The following KLHL2 variants were observed in gnomAD, a reference collection of about 807,000 sequenced individuals.
The protein encoded by KLHL2 is kelch-like protein 2.
Under a neutral mutation model 75.8 loss-of-function variants are expected in KLHL2, and 15 were observed. The observed-to-expected ratio is 0.20, with a 90% CI of 0.13 to 0.30. The LOEUF is 0.30. Among genes scored for constraint, KLHL2 ranks in the 10% least tolerant of loss-of-function variants. The pLI, the probability that KLHL2 is intolerant of heterozygous loss-of-function variation, is 1.00. For synonymous variants in KLHL2, 214 were observed against 251.9 expected, an observed-to-expected ratio of 0.85 and a Z score of 1.42; for missense variants, 381 against 741.0, an observed-to-expected ratio of 0.51 and a Z score of 5.64.
chr4:165,248,774 T>C (rs1740458246), intron 4 of KLHL2, among the ~76,000 whole-genome samples: 1 of 152,168 alleles, frequency 6.6e-6, no homozygotes, highest in Non-Finnish European at 1.5e-5. Flanking sequence ...AGTTCTAGGT[T>C]GTGAGGTAAA....
chr4:165,297,826 G>A, intron 7 of KLHL2, 101 bp downstream of exon 7: 1 of 802,756 alleles, frequency 1.2e-6, no homozygotes, highest in Non-Finnish European at 2.2e-6. Flanking sequence ...GTAGAATGCA[G>A]ATCTGTGGAG....
intron 5 of KLHL2, among the ~76,000 whole-genome samples, chr4:165,280,676 A>G (rs1743594881): frequency 6.6e-6 from 1 of 152,244 alleles, no homozygotes; most frequent in Admixed American, 6.5e-5. Context: ...AACTCAAATG[A>G]TGCTTCTTAA....
intron 7 of KLHL2, among the ~76,000 whole-genome samples, chr4:165,298,945 C>G (rs934357292): frequency 3.7e-5 from 5 of 135,186 alleles, no homozygotes; most frequent in African/African-American, 1.3e-4. Context: ...CCCCGCCCCC[C>G]CTCCCCCCCC....
intron 5 of KLHL2, among the ~76,000 whole-genome samples, chr4:165,282,363 G>C (rs1743757915): frequency 6.6e-6 from 1 of 152,176 alleles, no homozygotes; most frequent in Admixed American, 6.5e-5. Flanking sequence ...CTTTGGCTGT[G>C]TTGTGTTAGG....
intron 11 of KLHL2, among the ~76,000 whole-genome samples, chr4:165,312,174 C>T (rs926594772): frequency 6.6e-6 from 1 of 152,174 alleles, no homozygotes; most frequent in Non-Finnish European, 1.5e-5. Context: ...TGCCGCTCAC[C>T]TCCTGTTGTG....
Position 165,207,800 on chromosome 4 carries a change from A to T in KLHL2, c.-77A>T. On this transcript the variant is annotated 5_prime_UTR_variant, in exon 1 of 15. Coordinates refer to ENST00000226725, the MANE Select transcript of KLHL2 (RefSeq NM_007246.4). The surrounding 1 kb of genome is among the most constrained non-coding windows in gnomAD (Gnocchi z 4.2). ...ATGGAACGCGGCTCGGCGGGCGGGCAGTGCCGGCGTCCGCGGCTGGAATGG... is the reference window on the plus strand; with the variant it reads ...ATGGAACGCGGCTCGGCGGGCGGGCTGTGCCGGCGTCCGCGGCTGGAATGG... The T allele has an allele frequency of 7.9e-7, 1 of 1,263,870 alleles. No homozygotes were observed. Among genetic ancestry groups the T allele is most frequent in the South Asian group, 1.5e-5 (1 of 67,552 alleles). 78.3% of individuals were successfully genotyped at this position (1,263,870 alleles called of 1,614,324 possible). A position where few individuals can be genotyped will look rare whatever the true frequency, so the allele number is the denominator to read the frequency against.
At chr4:165,230,656 T>C (rs1738810901) in intron 3 of KLHL2, among the ~76,000 whole-genome samples, 1 of 152,154 alleles carries the variant, frequency 6.6e-6, no homozygotes, top group African/African-American at 2.4e-5. Flanking sequence ...AAGGTTAGTT[T>C]TCTTTCCCCT....
At chr4:165,253,605 T>C (rs920417089) in intron 4 of KLHL2, among the ~76,000 whole-genome samples, 12 of 152,236 alleles carry the variant, frequency 7.9e-5, no homozygotes, top group Non-Finnish European at 1.5e-4. Context: ...TGCTAAGTTA[T>C]AACAAATGTA....
At chr4:165,287,572 C>CTTT (rs143292056) in intron 5 of KLHL2, among the ~76,000 whole-genome samples, 1 of 151,682 alleles carries the variant, frequency 6.6e-6, no homozygotes, top group Non-Finnish European at 1.5e-5. Context: ...AACCTCCATG[C>CTTT]TTTTTTTTAT....
At chr4:165,277,893 G>C in intron 5 of KLHL2, 2 of 839,884 alleles carry the variant, frequency 2.4e-6, no homozygotes, top group Non-Finnish European at 2.1e-6. Context: ...CAAAGTCTAT[G>C]AATAGTGTCA....
chr4:165,208,025 G>A, intron 1 of KLHL2, 123 bp downstream of exon 1: 3 of 548,120 alleles, frequency 5.5e-6, no homozygotes, highest in Non-Finnish European at 7.9e-6. Context: ...GGAGATGCGG[G>A]GCGTGACGAG....
At chr4:165,309,818 C>T (rs1408907992) in intron 9 of KLHL2, among the ~76,000 whole-genome samples, 2 of 152,068 alleles carry the variant, frequency 1.3e-5, no homozygotes, top group Non-Finnish European at 2.9e-5. Context: ...TGATTTAGCC[C>T]ACTAACATGA....
At chr4:165,264,746 A>G (rs1404374626) in intron 5 of KLHL2, among the ~76,000 whole-genome samples, 10 of 79,080 alleles carry the variant, frequency 1.3e-4, no homozygotes, top group South Asian at 3.6e-4. Context: ...ATATGTATAT[A>G]TATATATATA....
chr4:165,240,996 GC>G (rs1465081457), intron 4 of KLHL2, among the ~76,000 whole-genome samples: 2 of 152,110 alleles, frequency 1.3e-5, no homozygotes, highest in Non-Finnish European at 2.9e-5. Context: ...GAAAACTCTT[GC>G]CATCCTAATT....
intron 14 of KLHL2, among the ~76,000 whole-genome samples, chr4:165,320,020 C>CA (rs1746849427): frequency 6.6e-6 from 1 of 152,012 alleles, no homozygotes; most frequent in East Asian, 1.9e-4. Context: ...GGGTTTGGCT[C>CA]AAAAAATGTC....
At chr4:165,226,243 C>T (rs1402848644) in intron 2 of KLHL2, among the ~76,000 whole-genome samples, 1 of 152,220 alleles carries the variant, frequency 6.6e-6, no homozygotes, top group Non-Finnish European at 1.5e-5. Flanking sequence ...ACCCTGCTTA[C>T]CTGCCTCCAG....
intron 4 of KLHL2, among the ~76,000 whole-genome samples, chr4:165,257,714 A>G (rs1741300950): frequency 6.6e-6 from 1 of 152,140 alleles, no homozygotes; most frequent in Non-Finnish European, 1.5e-5. Context: ...TCAAAATAGA[A>G]ATACACATGG....
chr4:165,230,342 T>G (rs1738784001), intron 3 of KLHL2, among the ~76,000 whole-genome samples: 1 of 152,206 alleles, frequency 6.6e-6, no homozygotes, highest in East Asian at 1.9e-4. Flanking sequence ...TAATCTGTGC[T>G]TCAGTTTCCC....
At chr4:165,260,094 A>G (rs1427654305) in intron 4 of KLHL2, among the ~76,000 whole-genome samples, 1 of 152,164 alleles carries the variant, frequency 6.6e-6, no homozygotes, top group Non-Finnish European at 1.5e-5. Flanking sequence ...TTTCATTATC[A>G]GTGACTGATG....
Sources: allele counts gnomAD v4.1 joint callset (sites outside exome capture counted in the v4.1 genomes callset), GRCh38; gene constraint gnomAD v4.1.1; non-coding constraint Gnocchi (gnomAD v3.1); transcripts MANE v1.5; gene names NCBI Gene and HGNC (gene_info 2026-07-23, HGNC 2026-07-21).